GULP1: variants seen among roughly 807,000 people sequenced by gnomAD.
GULP1 encodes the protein PTB domain-containing engulfment adapter protein 1.
Under a neutral mutation model 40.9 loss-of-function variants are expected in GULP1, and 19 were observed. That is an observed-to-expected ratio of 0.46 (90% confidence interval 0.32 to 0.68). The LOEUF (loss-of-function observed/expected upper bound fraction) is 0.68. Among genes scored for constraint, GULP1 ranks in the 30% least tolerant of loss-of-function variants. The pLI is 0.03. For synonymous variants in GULP1, 119 were observed against 117.6 expected (o/e 1.01, Z -0.08); for missense variants, 312 against 362.2 (o/e 0.86, Z 1.12).
chr2:188,451,107 T>A (rs2058805005), intron 2 of GULP1, among the ~76,000 whole-genome samples: 1 of 152,218 alleles, frequency 6.6e-6, no homozygotes, highest in Admixed American at 6.5e-5. Flanking sequence ...TTGCTGATGA[T>A]TTCTAAACTT....
chr2:188,358,654 A>G (rs973412378), intron 1 of GULP1, among the ~76,000 whole-genome samples: 18 of 152,172 alleles, frequency 1.2e-4, no homozygotes, highest in African/African-American at 4.3e-4. Flanking sequence ...AACTCTGATA[A>G]GTATAAAGGA....
intron 9 of GULP1, among the ~76,000 whole-genome samples, chr2:188,572,660 A>T (rs531192984): frequency 1.3e-5 from 2 of 152,280 alleles, no homozygotes; most frequent in South Asian, 2.1e-4. Flanking sequence ...TTAAAATCTT[A>T]TCATATGATT....
At chr2:188,431,630 A>G (rs1024051254) in intron 2 of GULP1, among the ~76,000 whole-genome samples, 4 of 152,116 alleles carry the variant, frequency 2.6e-5, no homozygotes, top group East Asian at 1.9e-4. Context: ...TCTCTTAATT[A>G]TAGCAAACTT....
chr2:188,556,406 T>TA (rs1393460259), intron 7 of GULP1, among the ~76,000 whole-genome samples: 2 of 152,162 alleles, frequency 1.3e-5, no homozygotes, highest in South Asian at 2.1e-4. Flanking sequence ...AAAACATATC[T>TA]ATCTCTTCAG....
intron 9 of GULP1, among the ~76,000 whole-genome samples, chr2:188,572,481 G>A (rs189344818): frequency 1.4e-4 from 21 of 152,018 alleles, no homozygotes; most frequent in African/African-American, 3.6e-4. Flanking sequence ...TTTAAATCAC[G>A]GTCTTACACT....
intron 1 of GULP1, among the ~76,000 whole-genome samples, chr2:188,316,509 A>G (rs2039096706): frequency 6.6e-6 from 1 of 152,084 alleles, no homozygotes; most frequent in South Asian, 2.1e-4. Flanking sequence ...GAAGTCCCAC[A>G]TGGTATGGCC....
intron 1 of GULP1, among the ~76,000 whole-genome samples, chr2:188,350,133 T>A (rs1176757434): frequency 2.0e-5 from 3 of 152,166 alleles, no homozygotes; most frequent in Non-Finnish European, 4.4e-5. Context: ...ATTTTAAAAT[T>A]GGGAAGCATA....
chr2:188,416,039 A>G (rs1387750641), intron 2 of GULP1, among the ~76,000 whole-genome samples: 3 of 152,188 alleles, frequency 2.0e-5, no homozygotes, highest in Non-Finnish European at 4.4e-5. Context: ...GAAGGAAACT[A>G]TCATCTAGAA....
chr2:188,565,812 T>C (rs1392705343), intron 7 of GULP1, among the ~76,000 whole-genome samples: 1 of 152,108 alleles, frequency 6.6e-6, no homozygotes, highest in African/African-American at 2.4e-5. Context: ...AAATCACTTG[T>C]GGTATATTTG....
At chr2:188,482,894 T>TAATA (rs1470766987) in intron 3 of GULP1, among the ~76,000 whole-genome samples, 6 of 151,820 alleles carry the variant, frequency 4.0e-5, no homozygotes, top group Non-Finnish European at 8.8e-5. Flanking sequence ...TATCATAATA[T>TAATA]TATATTGATT....
chr2:188,337,036 T>A (rs1434723277), intron 1 of GULP1, among the ~76,000 whole-genome samples: 1 of 152,170 alleles, frequency 6.6e-6, no homozygotes, highest in East Asian at 1.9e-4. Flanking sequence ...TCCTTGTGAG[T>A]AGTTTCCCAG....
intron 2 of GULP1, among the ~76,000 whole-genome samples, chr2:188,414,227 A>G (rs1575102324): frequency 6.7e-6 from 1 of 148,568 alleles, no homozygotes; most frequent in Admixed American, 6.7e-5. Flanking sequence ...AAAAAAAAAA[A>G]AAAAAAAAAG....
chr2:188,522,717 T>C, intron 4 of GULP1, 39 bp from the exon 5 acceptor site: 1 of 1,262,984 alleles, frequency 7.9e-7, no homozygotes, highest in Non-Finnish European at 1.2e-6. Flanking sequence ...TGATATATGA[T>C]ATGGTAAAAG....
At chr2:188,487,102 T>G (rs563717085) in intron 4 of GULP1, among the ~76,000 whole-genome samples, 1 of 152,160 alleles carries the variant, frequency 6.6e-6, no homozygotes, top group East Asian at 1.9e-4. Flanking sequence ...CTTCAATTTT[T>G]TATGAGAATG....
chr2:188,527,620 A>G (rs1037928751), intron 5 of GULP1, among the ~76,000 whole-genome samples: 4 of 152,210 alleles, frequency 2.6e-5, no homozygotes, highest in African/African-American at 9.6e-5. Flanking sequence ...GTGCAGCAGT[A>G]AGACTGCTGG....
intron 4 of GULP1, among the ~76,000 whole-genome samples, chr2:188,506,895 A>G (rs1456500183): frequency 6.6e-6 from 1 of 152,026 alleles, no homozygotes; most frequent in Non-Finnish European, 1.5e-5. Flanking sequence ...CATTCAGTCA[A>G]TGTGGGGAAG....
At chr2:188,563,479 A>G (rs955809102) in intron 7 of GULP1, among the ~76,000 whole-genome samples, 1 of 150,306 alleles carries the variant, frequency 6.7e-6, no homozygotes, top group East Asian at 1.9e-4. Context: ...ATATAAAATT[A>G]CATACAAATA....
At chr2:188,333,714 CT>C (rs1480348763) in intron 1 of GULP1, among the ~76,000 whole-genome samples, 1 of 152,108 alleles carries the variant, frequency 6.6e-6, no homozygotes, top group Non-Finnish European at 1.5e-5. Context: ...CTAGTGTTCT[CT>C]TACTTGAATT....
intron 11 of GULP1, chr2:188,589,041 ATTC>A (rs1317889535): frequency 6.6e-6 from 1 of 152,150 alleles, no homozygotes; most frequent in East Asian, 1.9e-4. Flanking sequence ...AAGTTGAATG[ATTC>A]TTAATCCCCT....
Sources: allele counts gnomAD v4.1 joint callset (sites outside exome capture counted in the v4.1 genomes callset), GRCh38; gene constraint gnomAD v4.1.1; transcripts MANE v1.5; gene names NCBI Gene and HGNC (gene_info 2026-07-23, HGNC 2026-07-21).